The following FBXO40 variants were observed in gnomAD, a reference collection of about 807,000 sequenced individuals.
FBXO40 encodes the protein F-box protein 40.
A neutral mutation model predicts 49.9 loss-of-function variants in FBXO40; 50 were observed. The observed-to-expected ratio is 1.00, with a 90% CI of 0.80 to 1.27. The LOEUF (loss-of-function observed/expected upper bound fraction) is 1.27, where lower values mean the gene tolerates loss of function less well. FBXO40 is among the 50% of genes most tolerant of loss of function. The pLI is 0.00. For synonymous variants in FBXO40, 340 were observed against 320.2 expected, an observed-to-expected ratio of 1.06 and a Z score of -0.66; for missense variants, 895 against 870.1, an observed-to-expected ratio of 1.03 and a Z score of -0.36.
At chr3:121,609,155 C>T (rs930713985) in intron 1 of FBXO40, among the ~76,000 whole-genome samples, 2 of 151,328 alleles carry the variant, frequency 1.3e-5, no homozygotes, top group African/African-American at 4.9e-5. Flanking sequence ...TGCTTGGGTA[C>T]CAGAGGTTAA....
At chr3:121,606,685 T>A (rs188262483) in intron 1 of FBXO40, among the ~76,000 whole-genome samples, 56 of 152,316 alleles carry the variant, frequency 3.7e-4, no homozygotes, top group African/African-American at 1.3e-3. Context: ...CAAAAGGACT[T>A]AATTATAAGT....
intron 1 of FBXO40, among the ~76,000 whole-genome samples, chr3:121,618,434 T>A (rs1317018754): frequency 4.1e-5 from 6 of 145,606 alleles, no homozygotes; most frequent in African/African-American, 1.5e-4. Flanking sequence ...TCACCCAGGC[T>A]GGAGCGCAGT....
intron 1 of FBXO40, among the ~76,000 whole-genome samples, chr3:121,606,491 G>C (rs2048932813): frequency 6.6e-6 from 1 of 152,164 alleles, no homozygotes; most frequent in African/African-American, 2.4e-5. Context: ...CTTTAGTAAG[G>C]TTAAATACCC....
intron 1 of FBXO40, among the ~76,000 whole-genome samples, chr3:121,611,891 A>G (rs927864958): frequency 1.3e-5 from 2 of 152,258 alleles, no homozygotes; most frequent in African/African-American, 4.8e-5. Context: ...CACGTCCTGC[A>G]CAGCCCTAGA....
At chr3:121,617,915 G>A (rs113912916) in intron 1 of FBXO40, among the ~76,000 whole-genome samples, 2 of 152,052 alleles carry the variant, frequency 1.3e-5, no homozygotes, top group Admixed American at 6.6e-5. Flanking sequence ...CAGAAGAATC[G>A]CTTGAACCCA....
chr3:121,616,504 A>G (rs970962654), intron 1 of FBXO40, among the ~76,000 whole-genome samples: 1 of 152,214 alleles, frequency 6.6e-6, no homozygotes, highest in African/African-American at 2.4e-5. Context: ...GAGAAACTGA[A>G]TTATTCATTT....
intron 1 of FBXO40, among the ~76,000 whole-genome samples, chr3:121,609,036 C>T (rs1330220854): frequency 6.6e-6 from 1 of 152,010 alleles, no homozygotes; most frequent in East Asian, 1.9e-4. Flanking sequence ...GAAATGTTTG[C>T]CCAAATCCAG....
At chr3:121,608,117 A>G (rs931437303) in intron 1 of FBXO40, among the ~76,000 whole-genome samples, 3 of 152,176 alleles carry the variant, frequency 2.0e-5, no homozygotes, top group African/African-American at 7.2e-5. Context: ...TGGCTCTTTT[A>G]GTGCAGTGGC....
chr3:121,627,058 C>T lies in FBXO40; in HGVS notation c.*148C>T, dbSNP rs2049065739. ...TGGAACACGCAATGTCCTTCGAAAC[C>T]TCAACACGAGGCCTAAGAATTTCCT... On this transcript the variant is annotated 3_prime_UTR_variant, in exon 4 of 4. Coordinates refer to ENST00000338040, the MANE Select transcript of FBXO40 (RefSeq NM_016298.4). 11 of 674,746 alleles carry T rather than the reference C, an allele frequency of 1.6e-5. No homozygotes were observed. The highest frequency in any genetic ancestry group is 2.8e-5 in the Non-Finnish European group (11 of 393,626). The allele number at this position is 674,746 out of a possible 1,614,324, so 41.8% of individuals were successfully genotyped here.
intron 1 of FBXO40, among the ~76,000 whole-genome samples, chr3:121,605,592 G>T (rs1316375549): frequency 2.0e-5 from 3 of 152,184 alleles, no homozygotes; most frequent in African/African-American, 4.8e-5. Flanking sequence ...TCTCAAATCT[G>T]AAGAAATCAT....
intron 1 of FBXO40, among the ~76,000 whole-genome samples, chr3:121,600,107 T>G (rs2108844259): frequency 6.6e-6 from 1 of 151,694 alleles, no homozygotes; most frequent in East Asian, 1.9e-4. Context: ...CACGGCTCAC[T>G]GTAGCTTCAA....
At position 121,622,933 on chromosome 3, in the gene FBXO40, T is replaced by A; in HGVS notation, c.1504T>A (p.Cys502Ser). 1 of 1,614,208 alleles carries A rather than the reference T, an allele frequency of 6.2e-7. No homozygotes were observed. Among genetic ancestry groups the A allele is most frequent in the East Asian group, 2.2e-5 (1 of 44,880 alleles). The change falls in exon 3 of 4, where the codon TGT (cysteine) becomes AGT (serine). Residue 502 changes from cysteine (C) to serine (S), a missense_variant. Coordinates refer to ENST00000338040, the MANE Select transcript of FBXO40 (RefSeq NM_016298.4). ...FKNVHTDIQS[C>S]LNGWFQHRCP... is the part of the protein sequence containing the mutation. The stretch of plus-strand genomic sequence containing the variant: ...GAATGTCCACACAGACATTCAGTCA[T>A]GTCTCAATGGCTGGTTCCAGCATCG...
At chr3:121,623,519 G>A (rs2049045784) in intron 3 of FBXO40, among the ~76,000 whole-genome samples, 176 bp downstream of exon 3, 1 of 152,014 alleles carries the variant, frequency 6.6e-6, no homozygotes, top group Admixed American at 6.5e-5. Context: ...GACTACAGAT[G>A]TGCATCACCA....
At chr3:121,601,474 G>C (rs2048901116) in intron 1 of FBXO40, among the ~76,000 whole-genome samples, 1 of 152,096 alleles carries the variant, frequency 6.6e-6, no homozygotes, top group East Asian at 1.9e-4. Flanking sequence ...AGGAGCTGGA[G>C]AACAATAAGG....
intron 1 of FBXO40, among the ~76,000 whole-genome samples, chr3:121,617,553 C>T (rs1326737776): frequency 6.6e-6 from 1 of 151,944 alleles, no homozygotes; most frequent in Non-Finnish European, 1.5e-5. Context: ...CAAGATTGCG[C>T]CATTGCACTC....
intron 1 of FBXO40, among the ~76,000 whole-genome samples, chr3:121,617,659 T>C (rs998561644): frequency 1.3e-5 from 2 of 151,772 alleles, no homozygotes; most frequent in Admixed American, 6.6e-5. Flanking sequence ...TATTTGATAA[T>C]ACAGTAGAAA....
In FBXO40 at chr3:121,627,708, T is replaced by C. The variant is rs1485571223; in HGVS notation, c.*798T>C. Reference sequence around the variant, plus strand: ...TAATGACTTAAGGGTCAAGATTTTTTTCTTCTGAAAATTATGTTCTGAGTT... The same window carrying C: ...TAATGACTTAAGGGTCAAGATTTTTCTCTTCTGAAAATTATGTTCTGAGTT... On this transcript the variant is annotated 3_prime_UTR_variant, in exon 4 of 4. Coordinates refer to ENST00000338040, the MANE Select transcript of FBXO40 (RefSeq NM_016298.4). 2.0e-5 allele frequency: 8 copies of C among 397,474 alleles called. No homozygotes were observed. The Admixed American group carries it at 2.2e-4, about 11-fold the overall frequency. The allele number at this position is 397,474 out of a possible 1,614,324, so 24.6% of individuals were successfully genotyped here.
In FBXO40 at chr3:121,626,715, C is replaced by T. The variant is rs61753287; in HGVS notation, c.1935C>T (p.Leu645=). 8.9e-3 allele frequency: 14,418 copies of T among 1,614,140 alleles called. 92 individuals carry two copies. The highest frequency in any genetic ancestry group is 0.012 in the Non-Finnish European group (13,636 of 1,180,002). The stretch of plus-strand genomic sequence containing the variant: ...AACAGATCTGGCAGTTCAGCAGCCT[C>T]TTCTCCAAAATCAAGAGCTGGGAGT... ...VHREIWQFSS[L]FSKIKSWEFN... is the part of the protein sequence containing the mutation. Residue 645 remains leucine, a synonymous_variant, in exon 4 of 4, where the codon CTC becomes CTT. Transcript: ENST00000338040.
chr3:121,614,532 G>T (rs1180519837), intron 1 of FBXO40, among the ~76,000 whole-genome samples: 1 of 152,120 alleles, frequency 6.6e-6, no homozygotes, highest in Non-Finnish European at 1.5e-5. Flanking sequence ...GCAGCAAGCC[G>T]ACAGGAGACA....
Sources: allele counts gnomAD v4.1 joint callset (sites outside exome capture counted in the v4.1 genomes callset), GRCh38; gene constraint gnomAD v4.1.1; transcripts MANE v1.5; gene names NCBI Gene and HGNC (gene_info 2026-07-23, HGNC 2026-07-21).